SCML4: variants seen among roughly 807,000 people sequenced by gnomAD.
SCML4 encodes the protein sex comb on midleg-like protein 4.
SCML4 carries 34 observed loss-of-function variants against 41.1 expected under a neutral mutation model. That is an observed-to-expected ratio of 0.83 (90% confidence interval 0.63 to 1.10). The LOEUF is 1.10. SCML4 is among the 50% of genes least tolerant of loss of function. SCML4 has a pLI of 0.00. For missense variants in SCML4, 522 were observed against 534.1 expected, an observed-to-expected ratio of 0.98 and a Z score of 0.22; for synonymous variants, 214 against 220.9, an observed-to-expected ratio of 0.97 and a Z score of 0.28.
At chr6:107,778,214 AAAAAAAAAATATATATATATATATATAT>A in intron 1 of SCML4, among the ~76,000 whole-genome samples, 1 of 6,026 alleles carries the variant, frequency 1.7e-4, no homozygotes, top group African/African-American at 2.7e-4. Context: ...AAAAAAAAAA[AAAAAAAAAATATATATATATATATATAT>A]ATATATATAT....
intron 2 of SCML4, among the ~76,000 whole-genome samples, chr6:107,751,636 T>TTCTTTCTC: frequency 6.8e-6 from 1 of 147,038 alleles, no homozygotes; most frequent in East Asian, 2.1e-4. Flanking sequence ...CTTTCTTTCT[T>TTCTTTCTC]TCTTTCTTTC....
the SCML4 span, among the ~76,000 whole-genome samples, chr6:107,842,034 C>A: frequency 6.6e-6 from 1 of 152,102 alleles, no homozygotes; most frequent in African/African-American, 2.4e-5. Flanking sequence ...GGAGACATTT[C>A]TTCTTTTCTA....
At chr6:107,709,576 C>T (rs1774037000) in intron 6 of SCML4, among the ~76,000 whole-genome samples, 1 of 152,212 alleles carries the variant, frequency 6.6e-6, no homozygotes. Flanking sequence ...GTGGCTGGTG[C>T]TTTGACTTCA....
chr6:107,795,952 C>T (rs1782679219), intron 1 of SCML4, among the ~76,000 whole-genome samples: 1 of 152,194 alleles, frequency 6.6e-6, no homozygotes, highest in African/African-American at 2.4e-5. Context: ...AATGTATACC[C>T]TTTTGCATCT....
intron 5 of SCML4, among the ~76,000 whole-genome samples, chr6:107,725,739 C>G (rs1178674282): frequency 6.6e-6 from 1 of 152,178 alleles, no homozygotes; most frequent in Non-Finnish European, 1.5e-5. Flanking sequence ...ACCAAAAGCA[C>G]AAGCAATAAA....
chr6:107,751,616 T>TCTCTCTCTCTCTCTCTCTC (rs1562218800), intron 2 of SCML4, among the ~76,000 whole-genome samples: 2 of 147,710 alleles, frequency 1.4e-5, no homozygotes, highest in Non-Finnish European at 3.0e-5. Flanking sequence ...CTTTCTTTCT[T>TCTCTCTCTCTCTCTCTCTC]TCTTTCTTTC....
At position 107,715,666 on chromosome 6, in the gene SCML4, C is replaced by A. The variant is rs181369009; in HGVS notation, c.973+5037G>T. 6.6e-5 allele frequency among the ~76,000 whole-genome samples: 10 copies of A among 152,316 alleles called. 2 individuals carry two copies. In the South Asian group the frequency reaches 1.5e-3, roughly 22 times the overall value. On this transcript the variant is annotated intron_variant, in intron 6 of 7. Coordinates refer to ENST00000369020, the MANE Select transcript of SCML4 (RefSeq NM_198081.5). ...ACACCAGGAAAATGTGCCCTGTGAA[C>A]ACATCCCCTTGGAGCCCACTGGCAG...
chr6:107,782,174 T>G (rs1781555981), intron 1 of SCML4, among the ~76,000 whole-genome samples: 1 of 152,200 alleles, frequency 6.6e-6, no homozygotes, highest in African/African-American at 2.4e-5. Flanking sequence ...GGAAACGCTT[T>G]AGAACATTTT....
intron 2 of SCML4, among the ~76,000 whole-genome samples, chr6:107,767,988 C>T (rs1249497931): frequency 1.3e-5 from 2 of 150,908 alleles, no homozygotes; most frequent in African/African-American, 4.9e-5. Flanking sequence ...TGGCTGGGCC[C>T]GGTGGCTCAT....
chr6:107,811,633 T>C (rs1784166777), intron 1 of SCML4, among the ~76,000 whole-genome samples: 1 of 152,162 alleles, frequency 6.6e-6, no homozygotes, highest in Non-Finnish European at 1.5e-5. Context: ...CCCCCTGAAG[T>C]TCCCCTCAAT....
At chr6:107,727,355 T>C (rs181734367) in intron 5 of SCML4, among the ~76,000 whole-genome samples, 73 of 152,356 alleles carry the variant, frequency 4.8e-4, no homozygotes, top group African/African-American at 1.5e-3. Context: ...CATATCTATA[T>C]ACTAAAAGTC....
the SCML4 span, among the ~76,000 whole-genome samples, chr6:107,834,891 A>C: frequency 6.6e-6 from 1 of 151,820 alleles, no homozygotes; most frequent in African/African-American, 2.4e-5. Flanking sequence ...TGAGCTGTGA[A>C]TATGCCACTG....
At chr6:107,717,723 T>C (rs571285062) in intron 6 of SCML4, among the ~76,000 whole-genome samples, 1 of 152,310 alleles carries the variant, frequency 6.6e-6, no homozygotes, top group Admixed American at 6.5e-5. Flanking sequence ...AATCTTTGTA[T>C]TTTTAGTAGA....
Position 107,806,194 on chromosome 6 carries a change from C to CT in SCML4, c.-60+17931_-60+17932insA, listed in dbSNP as rs368135958. 0.014 allele frequency among the ~76,000 whole-genome samples: 299 copies of CT among 20,942 alleles called. 5 individuals carry two copies. In the East Asian group the frequency reaches 0.35, roughly 25 times the overall value. The allele number at this position is 20,942 out of a possible 152,430, so 13.7% of individuals were successfully genotyped here. A position where few individuals can be genotyped will look rare whatever the true frequency, so the allele number is the denominator to read the frequency against. On this transcript the variant is annotated intron_variant, in intron 1 of 7. Coordinates refer to ENST00000369020, the MANE Select transcript of SCML4 (RefSeq NM_198081.5). Reference sequence around the variant, plus strand: ...CAATCAAAACAGAGATTTCCCCCCCCCCAATAAACAATGAGCAAGGGCTCA... The same window carrying CT: ...CAATCAAAACAGAGATTTCCCCCCCCTCCAATAAACAATGAGCAAGGGCTCA...
At chr6:107,824,485 TG>T (rs1785169743), upstream of SCML4, among the ~76,000 whole-genome samples, 1 of 142,100 alleles carries the variant, frequency 7.0e-6, no homozygotes, top group Non-Finnish European at 1.5e-5. Flanking sequence ...TGTGTGTGTG[TG>T]TGTGTGTGTG....
chr6:107,714,546 T>C lies in SCML4; in HGVS notation c.973+6157A>G, dbSNP rs890967890. Reference sequence around the variant, plus strand: ...TAGTGTAATAATTTGTTGACATTTGTCTCCCTGGAGTTGCAAACCCTCAGA... The same window carrying C: ...TAGTGTAATAATTTGTTGACATTTGCCTCCCTGGAGTTGCAAACCCTCAGA... On this transcript the variant is annotated intron_variant, in intron 6 of 7. Coordinates refer to ENST00000369020, the MANE Select transcript of SCML4 (RefSeq NM_198081.5). 2.6e-5 allele frequency among the ~76,000 whole-genome samples: 4 copies of C among 152,266 alleles called. No individual in the cohort carries two copies. In the South Asian group the frequency reaches 8.3e-4, roughly 32 times the overall value.
the SCML4 span, among the ~76,000 whole-genome samples, chr6:107,845,094 G>A: frequency 9.2e-5 from 14 of 151,952 alleles, no homozygotes; most frequent in African/African-American, 2.9e-4. Flanking sequence ...AAAATTAGCC[G>A]GGCATGTGGC....
At chr6:107,770,358 C>T (rs1780420364) in intron 2 of SCML4, among the ~76,000 whole-genome samples, 1 of 152,062 alleles carries the variant, frequency 6.6e-6, no homozygotes, top group African/African-American at 2.4e-5. Context: ...TCAAATGGCT[C>T]TTGTTTTTCT....
At chr6:107,742,939 A>G (rs1028695631) in intron 5 of SCML4, among the ~76,000 whole-genome samples, 2 of 152,220 alleles carry the variant, frequency 1.3e-5, no homozygotes, top group Non-Finnish European at 2.9e-5. Flanking sequence ...TATGAAGCCC[A>G]AAAGACAAAG....
Sources: allele counts gnomAD v4.1 joint callset (sites outside exome capture counted in the v4.1 genomes callset), GRCh38; gene constraint gnomAD v4.1.1; transcripts MANE v1.5; gene names NCBI Gene and HGNC (gene_info 2026-07-23, HGNC 2026-07-21).